The following DYNC1H1 variants were observed in gnomAD, a reference collection of about 807,000 sequenced individuals.
The protein encoded by DYNC1H1 is dynein cytoplasmic 1 heavy chain 1.
A neutral mutation model predicts 527.1 loss-of-function variants in DYNC1H1; 51 were observed. The observed-to-expected ratio is 0.10, with a 90% confidence interval of 0.08 to 0.12. DYNC1H1 has a LOEUF of 0.12. DYNC1H1 is among the 10% of genes least tolerant of loss of function. The pLI is 1.00. For synonymous variants in DYNC1H1, 2,189 were observed against 2,278.8 expected (o/e 0.96, Z 1.12); for missense variants, 2,771 against 5,971.8 (o/e 0.46, Z 17.66).
Position 102,048,411 on chromosome 14 carries a change from G to A in DYNC1H1, c.13219-105G>A, listed in dbSNP as rs1398459365. The A allele has an allele frequency of 2.0e-5, 30 of 1,481,676 alleles. 1 individual carries two copies. Among genetic ancestry groups the A allele is most frequent in the South Asian group, 2.3e-5 (2 of 85,226 alleles). The allele number at this position is 1,481,676 out of a possible 1,614,324, so 91.8% of individuals were successfully genotyped here. Reference sequence around the variant, plus strand: ...AGCTGTCCGTGACCCTGGACAGTTCGGAAGCTCTGGGGCTCTCCCCGGAGG... The same window carrying A: ...AGCTGTCCGTGACCCTGGACAGTTCAGAAGCTCTGGGGCTCTCCCCGGAGG... On this transcript the variant is annotated intron_variant, in intron 73 of 77. Coordinates refer to ENST00000360184, the MANE Select transcript of DYNC1H1 (RefSeq NM_001376.5).
At chr14:102,032,231 C>T in intron 51 of DYNC1H1, 41 bp from the exon 52 acceptor site, 1 of 1,611,458 alleles carries the variant, frequency 6.2e-7, no homozygotes, top group Non-Finnish European at 8.5e-7. Context: ...GCTCTATCTT[C>T]TCCCACCCAT....
chr14:102,010,244 A>T lies in DYNC1H1; in HGVS notation c.6222-32A>T, dbSNP rs2152577710. ...CTATTATTGCTTAAAGTATACTGTT[A>T]TTAAAGATAGCCTTTTTTTCTTCTT... is the stretch of plus-strand genomic sequence containing the variant. On this transcript the variant is annotated intron_variant, in intron 30 of 77. Coordinates refer to ENST00000360184, the MANE Select transcript of DYNC1H1 (RefSeq NM_001376.5). This position sits in a 1 kb window ranked among gnomAD's most constrained non-coding sequence, Gnocchi z 6.0. The T allele has an allele frequency of 1.2e-6, 2 of 1,613,726 alleles. No homozygotes were observed. Among genetic ancestry groups the T allele is most frequent in the East Asian group, 2.2e-5 (1 of 44,878 alleles).
In DYNC1H1 at chr14:102,001,724, C is replaced by T. The variant is rs2048132806; in HGVS notation, c.4542+43C>T. 6.2e-7 allele frequency: 1 copy of T among 1,612,746 alleles called. No homozygotes were observed. The highest frequency in any genetic ancestry group is 1.3e-5 in the African/African-American group (1 of 74,874). On this transcript the variant is annotated intron_variant, in intron 21 of 77. Transcript: ENST00000360184. The surrounding 1 kb of genome is among the most constrained non-coding windows in gnomAD (Gnocchi z 5.0). ...GCTTTCCCTCCCCACCAGTGGTCTC[C>T]CACGCTTTCACTGTAATGCCTTTTC...
chr14:102,010,664 C>G lies in DYNC1H1; in HGVS notation c.6406-76C>G, dbSNP rs2048248219. On this transcript the variant is annotated intron_variant, in intron 31 of 77. Coordinates refer to ENST00000360184, the MANE Select transcript of DYNC1H1 (RefSeq NM_001376.5). This position sits in a 1 kb window ranked among gnomAD's most constrained non-coding sequence, Gnocchi z 6.0. Reference sequence around the variant, plus strand: ...CCTTTGTTCACCAACAGTTACTGATCACGCACCTCCTGGGGATGCAGCGGG... The same window carrying G: ...CCTTTGTTCACCAACAGTTACTGATGACGCACCTCCTGGGGATGCAGCGGG... 1.3e-6 allele frequency: 2 copies of G among 1,586,708 alleles called. No homozygotes were observed. The highest frequency in any genetic ancestry group is 3.4e-5 in the Admixed American group (2 of 59,498).
At chr14:102,030,606 A>G (rs544080849) in intron 51 of DYNC1H1, 7 of 335,680 alleles carry the variant, frequency 2.1e-5, no homozygotes, top group South Asian at 1.4e-4. Context: ...TCAATCCCTG[A>G]CTTGAATTTC....
At chr14:101,969,110 C>T (rs1277775672) in intron 1 of DYNC1H1, among the ~76,000 whole-genome samples, 7 of 152,010 alleles carry the variant, frequency 4.6e-5, no homozygotes, top group African/African-American at 9.7e-5. Flanking sequence ...CTCCGCCTCC[C>T]GGGTTCACGC....
intron 23 of DYNC1H1, among the ~76,000 whole-genome samples, chr14:102,004,045 T>C (rs998340251): frequency 3.0e-4 from 45 of 151,572 alleles, no homozygotes; most frequent in Non-Finnish European, 6.0e-4. Context: ...ATCGAGACCA[T>C]CCTGGCTAAC....
In DYNC1H1 at chr14:102,033,515, T is replaced by C; in HGVS notation, c.10413+31T>C. ...ATTATCATCATTGATCCTCAGCCTT[T>C]CCTGCTGTGGAAGCAGAGATTAACA... On this transcript the variant is annotated intron_variant, in intron 54 of 77. Transcript: ENST00000360184. This position sits in a 1 kb window ranked among gnomAD's most constrained non-coding sequence, Gnocchi z 5.6. 6.2e-7 allele frequency: 1 copy of C among 1,612,040 alleles called. No individual in the cohort carries two copies. Among genetic ancestry groups the C allele is most frequent in the Non-Finnish European group, 8.5e-7 (1 of 1,178,802 alleles).
chr14:101,980,277 G>A, intron 4 of DYNC1H1, 87 bp from the exon 5 acceptor site: 5 of 1,486,742 alleles, frequency 3.4e-6, no homozygotes, highest in Non-Finnish European at 3.7e-6. Flanking sequence ...TATAAAAATT[G>A]AGTTGTAATG....
rs778429583 is a variant in DYNC1H1 at position 102,001,357 on chromosome 14, G to A, written c.4395+3G>A. 8 of 1,614,008 alleles carry A rather than the reference G, an allele frequency of 5.0e-6. No individual in the cohort carries two copies. Among genetic ancestry groups the A allele is most frequent in the Admixed American group, 3.3e-5 (2 of 59,992 alleles). ...CTTTGGAAGAATTTTTGAAGCAGGC[G>A]AGTAATAGGACTGAACGGCTGCTTT... is the stretch of plus-strand genomic sequence containing the variant. On this transcript the variant is annotated splice_donor_region_variant and intron_variant, in intron 20 of 77. Transcript: ENST00000360184. The surrounding 1 kb of genome is among the most constrained non-coding windows in gnomAD (Gnocchi z 5.0).
In DYNC1H1 at chr14:102,049,985, T is replaced by G. The variant is rs2048782667; in HGVS notation, c.13685-86T>G. 2.5e-6 allele frequency: 4 copies of G among 1,613,858 alleles called. No homozygotes were observed. Among genetic ancestry groups the G allele is most frequent in the Non-Finnish European group, 3.4e-6 (4 of 1,179,966 alleles). The stretch of plus-strand genomic sequence containing the variant: ...GCACTTAGGGTGACCGGCTGGCAGT[T>G]GGGTGGAGCCTCTGGGCGCCCTGTG... On this transcript the variant is annotated intron_variant, in intron 76 of 77. Transcript: ENST00000360184. The surrounding 1 kb of genome is among the most constrained non-coding windows in gnomAD (Gnocchi z 5.5).
At chr14:101,981,250 A>G (rs1172711419) in intron 5 of DYNC1H1, among the ~76,000 whole-genome samples, 8 of 152,116 alleles carry the variant, frequency 5.3e-5, no homozygotes, top group Non-Finnish European at 7.3e-5. Context: ...CAGCCACCCA[A>G]GTAGCTGGGA....
intron 1 of DYNC1H1, among the ~76,000 whole-genome samples, chr14:101,966,576 TTCG>T (rs2047670717): frequency 6.6e-6 from 1 of 152,176 alleles, no homozygotes; most frequent in African/African-American, 2.4e-5. Context: ...TCAATGCATA[TTCG>T]TCATTTTATT....
chr14:102,041,576 C>T lies in DYNC1H1; in HGVS notation c.11944C>T (p.Pro3982Ser), dbSNP rs1216829534. 3 of 1,614,096 alleles carry T rather than the reference C, an allele frequency of 1.9e-6. No individual in the cohort carries two copies. Among genetic ancestry groups the T allele is most frequent in the Middle Eastern group, 3.3e-4 (2 of 5,974 alleles). Reference protein sequence around the residue: ...YLWSEETPATPIGQAIHRLLL... With the variant: ...YLWSEETPATSIGQAIHRLLL... The stretch of plus-strand genomic sequence containing the variant: ...CCACCCCTCTGTACCTGTTTCAGCA[C>T]CCATTGGCCAGGCCATCCACCGCCT... The change falls in exon 65 of 78, where the codon CCC becomes TCC. Residue 3982 changes from proline to serine, a missense_variant and splice_region_variant. By Grantham distance (74) the Pro-to-Ser change is moderately conservative. This residue lies in a region of DYNC1H1 where 120 missense variants were observed against 161.9 expected (regional missense o/e 0.74). Transcript: ENST00000360184. This position sits in a 1 kb window ranked among gnomAD's most constrained non-coding sequence, Gnocchi z 4.5.
intron 23 of DYNC1H1, 120 bp downstream of exon 23, chr14:102,003,085 A>T: frequency 1.6e-6 from 2 of 1,288,276 alleles, no homozygotes; most frequent in Non-Finnish European, 2.2e-6. Flanking sequence ...GGATTTTGTT[A>T]GCCAATAATA....
intron 11 of DYNC1H1, among the ~76,000 whole-genome samples, chr14:101,993,712 C>T (rs1286581253): frequency 1.3e-5 from 2 of 152,184 alleles, no homozygotes; most frequent in Non-Finnish European, 2.9e-5. Context: ...ACTGAAAATG[C>T]AGCCTTCCCC....
chr14:102,043,880 C>T lies in DYNC1H1; in HGVS notation c.12519C>T (p.Pro4173=), dbSNP rs1489755183. 3 of 1,614,058 alleles carry T rather than the reference C, an allele frequency of 1.9e-6. No individual in the cohort carries two copies. Among genetic ancestry groups the T allele is most frequent in the Non-Finnish European group, 2.5e-6 (3 of 1,180,054 alleles). ...SIPVSRICKS[P]NERARLYFLL... ...TTGGTCACTTTCCTCACCAGTCTCC[C>T]AACGAGCGTGCCCGCTTGTACTTCC... The change falls in exon 70 of 78, where the codon CCC becomes CCT. Residue 4173 remains proline, a synonymous_variant. Coordinates refer to ENST00000360184, the MANE Select transcript of DYNC1H1 (RefSeq NM_001376.5).
At position 102,010,648 on chromosome 14, in the gene DYNC1H1, A is replaced by G. The variant is rs1222282852; in HGVS notation, c.6406-92A>G. The G allele has an allele frequency of 6.4e-7, 1 of 1,564,966 alleles. No homozygotes were observed. Among genetic ancestry groups the G allele is most frequent in the Non-Finnish European group, 8.8e-7 (1 of 1,142,702 alleles). On this transcript the variant is annotated intron_variant, in intron 31 of 77. Coordinates refer to ENST00000360184, the MANE Select transcript of DYNC1H1 (RefSeq NM_001376.5). This position sits in a 1 kb window ranked among gnomAD's most constrained non-coding sequence, Gnocchi z 6.0. ...CGAGTGGTGCTCGCACCCTTTGTTCACCAACAGTTACTGATCACGCACCTC... is the reference window on the plus strand; with the variant it reads ...CGAGTGGTGCTCGCACCCTTTGTTCGCCAACAGTTACTGATCACGCACCTC...
At chr14:101,976,432 C>G (rs1027258180) in intron 2 of DYNC1H1, among the ~76,000 whole-genome samples, 1 of 151,114 alleles carries the variant, frequency 6.6e-6, no homozygotes, top group Non-Finnish European at 1.5e-5. Flanking sequence ...ATCCCAGCTA[C>G]TTGGGAGGCT....
Sources: allele counts gnomAD v4.1 joint callset (sites outside exome capture counted in the v4.1 genomes callset), GRCh38; gene constraint gnomAD v4.1.1; regional missense constraint gnomAD v4.1.1; non-coding constraint Gnocchi (gnomAD v3.1); transcripts MANE v1.5; gene names NCBI Gene and HGNC (gene_info 2026-07-23, HGNC 2026-07-21).